Variants in FAT3 observed in about 807,000 individuals in gnomAD.
FAT3 encodes the protein protocadherin Fat 3.
FAT3 carries 95 observed loss-of-function variants against 310.2 expected under a neutral mutation model. The observed-to-expected ratio is 0.31, with a 90% CI of 0.26 to 0.36. The LOEUF (loss-of-function observed/expected upper bound fraction) is 0.36, where lower values mean the gene tolerates loss of function less well. FAT3 is among the 10% of genes least tolerant of loss of function. The pLI, the probability that FAT3 is intolerant of heterozygous loss-of-function variation, is 1.00. For missense variants in FAT3, 5,408 were observed against 5,715.6 expected (o/e 0.95, Z 1.74); for synonymous variants, 2,314 against 2,192.9 (o/e 1.06, Z -1.54).
chr11:92,348,114 A>T (rs1382591146), intron 1 of FAT3, among the ~76,000 whole-genome samples: 3 of 152,166 alleles, frequency 2.0e-5, no homozygotes, highest in Non-Finnish European at 4.4e-5. Context: ...AGGCTTTTTA[A>T]AATAATTTGT....
chr11:92,464,452 G>C (rs1037536301), intron 2 of FAT3, among the ~76,000 whole-genome samples: 1 of 152,104 alleles, frequency 6.6e-6, no homozygotes, highest in African/African-American at 2.4e-5. Context: ...TCTCATATAG[G>C]GTAATTTGGG....
At chr11:92,712,698 TTAGC>T (rs1944560616) in intron 4 of FAT3, among the ~76,000 whole-genome samples, 1 of 152,214 alleles carries the variant, frequency 6.6e-6, no homozygotes, top group African/African-American at 2.4e-5. Context: ...GAGAGGAGCT[TTAGC>T]TATCTAGGCT....
chr11:92,539,803 A>G (rs1269188782), intron 3 of FAT3, among the ~76,000 whole-genome samples: 3 of 152,146 alleles, frequency 2.0e-5, no homozygotes, highest in African/African-American at 7.2e-5. Context: ...ATATTTCTGG[A>G]CCACTTTTTA....
intron 3 of FAT3, among the ~76,000 whole-genome samples, chr11:92,587,804 G>A (rs370410528): frequency 2.6e-4 from 39 of 152,010 alleles, no homozygotes; most frequent in African/African-American, 9.4e-4. Context: ...GGTCCTTCCT[G>A]CCAATTATTT....
chr11:92,867,311 G>C (rs1949275239), intron 22 of FAT3, 102 bp downstream of exon 22: 1 of 1,221,244 alleles, frequency 8.2e-7, no homozygotes, highest in South Asian at 1.6e-5. Flanking sequence ...CTCTACTAGA[G>C]AGGAGTATTC....
chr11:92,855,602 A>G (rs1018715337), intron 19 of FAT3, among the ~76,000 whole-genome samples: 1 of 152,248 alleles, frequency 6.6e-6, no homozygotes, highest in African/African-American at 2.4e-5. Flanking sequence ...ATAGATCATG[A>G]GATGGTCACA....
At chr11:92,749,941 C>T (rs997986056) in intron 4 of FAT3, among the ~76,000 whole-genome samples, 3 of 152,062 alleles carry the variant, frequency 2.0e-5, no homozygotes, top group Non-Finnish European at 4.4e-5. Context: ...AACATTTTAC[C>T]CATTAGGATA....
intron 1 of FAT3, among the ~76,000 whole-genome samples, chr11:92,289,237 G>T (rs1442416109): frequency 6.6e-6 from 1 of 152,082 alleles, no homozygotes; most frequent in Non-Finnish European, 1.5e-5. Context: ...TGGGTCGGAT[G>T]ATTCCAATTC....
intron 1 of FAT3, among the ~76,000 whole-genome samples, chr11:92,277,153 C>A (rs777362540): frequency 3.3e-5 from 5 of 152,046 alleles, no homozygotes; most frequent in Non-Finnish European, 5.9e-5. Flanking sequence ...TGAAATGTGC[C>A]TGTGTAAAGG....
chr11:92,805,840 C>A (rs953210448), intron 11 of FAT3, among the ~76,000 whole-genome samples: 7 of 152,156 alleles, frequency 4.6e-5, no homozygotes, highest in Non-Finnish European at 1.0e-4. Context: ...ATTTTATTTT[C>A]TCTCATACTG....
intron 4 of FAT3, among the ~76,000 whole-genome samples, chr11:92,753,479 A>G (rs994369050): frequency 2.6e-5 from 4 of 152,218 alleles, no homozygotes; most frequent in African/African-American, 9.7e-5. Flanking sequence ...ACAACAAGTA[A>G]AACTAGTCTA....
chr11:92,470,206 C>G (rs1487687105), intron 2 of FAT3, among the ~76,000 whole-genome samples: 1 of 152,144 alleles, frequency 6.6e-6, no homozygotes, highest in Non-Finnish European at 1.5e-5. Flanking sequence ...CATACTTGAC[C>G]TTGATTCTTT....
At chr11:92,289,488 C>A (rs1403529726) in intron 1 of FAT3, among the ~76,000 whole-genome samples, 2 of 144,144 alleles carry the variant, frequency 1.4e-5, no homozygotes, top group Admixed American at 7.1e-5. Context: ...AGCTTGGAGT[C>A]TCCATGATAG....
intron 3 of FAT3, among the ~76,000 whole-genome samples, chr11:92,693,556 T>C (rs1466192829): frequency 3.3e-5 from 5 of 152,340 alleles, no homozygotes; most frequent in African/African-American, 1.2e-4. Flanking sequence ...AAAGTTATTA[T>C]AAATGAAGAG....
chr11:92,324,734 T>A (rs1947720985), intron 1 of FAT3, among the ~76,000 whole-genome samples: 1 of 152,214 alleles, frequency 6.6e-6, no homozygotes, highest in Admixed American at 6.5e-5. Flanking sequence ...TTGCTGCAGA[T>A]CTTCAATTTA....
In FAT3 at chr11:92,799,842, G is replaced by C. The variant is rs1370609869; in HGVS notation, c.6829G>C (p.Val2277Leu). The change falls in exon 10 of 28, where the codon GTT (valine) becomes CTT (leucine). Residue 2277 changes from valine to leucine, a missense_variant. Transcript: ENST00000525166. ...GGCTGAAGTCACTGTTGACTTGCTA[G>C]TTAATGATGTAAATGACAACCCCCC... is the stretch of plus-strand genomic sequence containing the variant. Reference protein sequence around the residue: ...ARAEVTVDLLVNDVNDNPPIF... With the variant: ...ARAEVTVDLLLNDVNDNPPIF... 1.9e-6 allele frequency: 3 copies of C among 1,613,308 alleles called. No individual in the cohort carries two copies. The African/African-American group carries it at 4.0e-5, about 22-fold the overall frequency.
intron 13 of FAT3, among the ~76,000 whole-genome samples, chr11:92,822,994 A>G (rs1948010028): frequency 2.0e-5 from 3 of 152,030 alleles, no homozygotes; most frequent in African/African-American, 7.2e-5. Context: ...GACTCAATCC[A>G]TTTGTTTTCT....
chr11:92,426,453 G>C (rs1385371178), intron 2 of FAT3, among the ~76,000 whole-genome samples: 6 of 152,100 alleles, frequency 3.9e-5, no homozygotes, highest in African/African-American at 1.4e-4. Flanking sequence ...CTTTGCCCAT[G>C]CCTATGTCCT....
chr11:92,230,163 T>A (rs970164440), intron 1 of FAT3, among the ~76,000 whole-genome samples: 2 of 152,222 alleles, frequency 1.3e-5, no homozygotes, highest in African/African-American at 4.8e-5. Context: ...GAAAGTTGTT[T>A]CTTTAACTTT....
Sources: gnomAD v4.1 joint callset for allele counts (sites outside exome capture counted in the v4.1 genomes callset) on GRCh38, gnomAD v4.1.1 for gene constraint, MANE v1.5 for transcripts, NCBI Gene and HGNC (gene_info 2026-07-23, HGNC 2026-07-21) for gene names.